Variants in SOCS5 observed in about 807,000 individuals in gnomAD.
SOCS5 encodes the protein CIS-6.
A neutral mutation model predicts 42.8 loss-of-function variants in SOCS5; 32 were observed. That is an observed-to-expected ratio of 0.75 (90% CI 0.56 to 1.01). SOCS5 has a LOEUF of 1.01. SOCS5 is among the 50% of genes least tolerant of loss of function. The pLI is 0.00. For missense variants in SOCS5, 627 were observed against 653.0 expected, an observed-to-expected ratio of 0.96 and a Z score of 0.43; for synonymous variants, 283 against 229.6, an observed-to-expected ratio of 1.23 and a Z score of -2.10.
intron 1 of SOCS5, among the ~76,000 whole-genome samples, chr2:46,703,224 A>G (rs993039250): frequency 1.9e-4 from 29 of 152,224 alleles, no homozygotes; most frequent in Non-Finnish European, 3.5e-4. Context: ...TAGTCTTGCT[A>G]TTGTTTTAGA....
chr2:46,725,745 AT>A (rs1299025391), intron 1 of SOCS5, among the ~76,000 whole-genome samples: 2 of 151,850 alleles, frequency 1.3e-5, no homozygotes, highest in Admixed American at 1.3e-4. Context: ...TAGATAATAC[AT>A]TTTTTCCCTT....
chr2:46,750,950 T>C (rs1673608195), intron 1 of SOCS5, among the ~76,000 whole-genome samples: 1 of 152,162 alleles, frequency 6.6e-6, no homozygotes, highest in Non-Finnish European at 1.5e-5. Flanking sequence ...ATATGATGTA[T>C]CCTCTGAAGT....
chr2:46,700,335 A>G (rs1387596405), intron 1 of SOCS5, among the ~76,000 whole-genome samples: 1 of 152,184 alleles, frequency 6.6e-6, no homozygotes, highest in African/African-American at 2.4e-5. Context: ...GTTTGATGGT[A>G]TTCTATCAGT....
In SOCS5 at chr2:46,736,373, G is replaced by A. The variant is rs1673246372; in HGVS notation, c.-12-22146G>A. Reference sequence around the variant, plus strand: ...TAACCATTTTTAAGTGTATAGTTCAGTGGCATTAAGCACATTCACATTCTT... The same window carrying A: ...TAACCATTTTTAAGTGTATAGTTCAATGGCATTAAGCACATTCACATTCTT... On this transcript the variant is annotated intron_variant, in intron 1 of 1. Coordinates refer to ENST00000394861, the MANE Select transcript of SOCS5 (RefSeq NM_144949.3). Among the ~76,000 whole-genome samples the A allele has an allele frequency of 2.0e-5, 3 of 152,118 alleles. No individual in the cohort carries two copies. The South Asian group carries it at 6.2e-4, about 31-fold the overall frequency.
At chr2:46,749,438 A>G (rs1345776223) in intron 1 of SOCS5, among the ~76,000 whole-genome samples, 1 of 152,212 alleles carries the variant, frequency 6.6e-6, no homozygotes, top group African/African-American at 2.4e-5. Flanking sequence ...AGGTCCTGCT[A>G]AATCTAAGGC....
rs149054650 is a variant in SOCS5, at chr2:46,733,419, G to T, written c.-12-25100G>T. ...CAGTCCCAGATTATTTTATAATAAAGAATAACTAGTTGGGTGTGGGGCCCA... is the reference window on the plus strand; with the variant it reads ...CAGTCCCAGATTATTTTATAATAAATAATAACTAGTTGGGTGTGGGGCCCA... On this transcript the variant is annotated intron_variant, in intron 1 of 1. Transcript: ENST00000394861. Among the ~76,000 whole-genome samples, 1,069 of 152,038 alleles carry T rather than the reference G, an allele frequency of 7.0e-3. 19 individuals carry two copies. The highest frequency in any genetic ancestry group is 0.025 in the African/African-American group (1,029 of 41,490).
At chr2:46,707,556 A>G (rs970217649) in intron 1 of SOCS5, among the ~76,000 whole-genome samples, 3 of 152,248 alleles carry the variant, frequency 2.0e-5, no homozygotes, top group African/African-American at 7.2e-5. Context: ...AAATTAGGAA[A>G]TCAGACTAGG....
intron 1 of SOCS5, among the ~76,000 whole-genome samples, chr2:46,720,595 T>A (rs1672856459): frequency 1.3e-5 from 2 of 152,242 alleles, no homozygotes; most frequent in South Asian, 4.1e-4. Context: ...CTGTTTTTAC[T>A]AATAACTGAT....
chr2:46,706,191 T>C (rs1442447509), intron 1 of SOCS5, among the ~76,000 whole-genome samples: 1 of 152,228 alleles, frequency 6.6e-6, no homozygotes, highest in Admixed American at 6.5e-5. Flanking sequence ...TTTCATTTAA[T>C]TCTCTTAGTT....
At chr2:46,721,345 C>G (rs900899390) in intron 1 of SOCS5, among the ~76,000 whole-genome samples, 3 of 152,074 alleles carry the variant, frequency 2.0e-5, no homozygotes, top group Middle Eastern at 3.2e-3. Context: ...TCATTTTGAT[C>G]TCTCTTTTGT....
At chr2:46,742,697 G>A (rs912893678) in intron 1 of SOCS5, among the ~76,000 whole-genome samples, 8 of 151,618 alleles carry the variant, frequency 5.3e-5, no homozygotes, top group Non-Finnish European at 1.0e-4. Flanking sequence ...ACAGAGTCTC[G>A]CTCTGTCACC....
chr2:46,717,851 AGTT>A (rs1672784250), intron 1 of SOCS5, among the ~76,000 whole-genome samples: 1 of 152,084 alleles, frequency 6.6e-6, no homozygotes, highest in South Asian at 2.1e-4. Context: ...AAGCTTAGGT[AGTT>A]GTTTGGTTCA....
chr2:46,708,788 C>A (rs1176012744), intron 1 of SOCS5, among the ~76,000 whole-genome samples: 1 of 151,832 alleles, frequency 6.6e-6, no homozygotes, highest in Non-Finnish European at 1.5e-5. Context: ...AAATGCACTT[C>A]CTTATCCCTC....
At chr2:46,700,418 G>T (rs903033260) in intron 1 of SOCS5, among the ~76,000 whole-genome samples, 1 of 152,116 alleles carries the variant, frequency 6.6e-6, no homozygotes, top group Non-Finnish European at 1.5e-5. Flanking sequence ...CATAGTGGTG[G>T]CTTACTTCTT....
intron 1 of SOCS5, among the ~76,000 whole-genome samples, chr2:46,733,199 A>G (rs11892710): frequency 6.6e-6 from 1 of 151,996 alleles, no homozygotes; most frequent in African/African-American, 2.4e-5. Flanking sequence ...GGTTCAAGTG[A>G]TGCTCCTGTC....
chr2:46,745,072 A>G (rs557887583), intron 1 of SOCS5, among the ~76,000 whole-genome samples: 2 of 152,148 alleles, frequency 1.3e-5, no homozygotes, highest in East Asian at 1.9e-4. Context: ...GCTTCAAACA[A>G]TTATGATGCA....
chr2:46,738,984 T>C (rs1300645735), intron 1 of SOCS5, among the ~76,000 whole-genome samples: 1 of 152,222 alleles, frequency 6.6e-6, no homozygotes, highest in Non-Finnish European at 1.5e-5. Flanking sequence ...GTCATATCAA[T>C]GAGCATTATA....
chr2:46,705,194 T>C (rs1373844852), intron 1 of SOCS5, among the ~76,000 whole-genome samples: 1 of 152,228 alleles, frequency 6.6e-6, no homozygotes, highest in Non-Finnish European at 1.5e-5. Flanking sequence ...TCTAGCAAAT[T>C]AATCAAACTC....
chr2:46,710,209 C>T (rs1672587508), intron 1 of SOCS5, among the ~76,000 whole-genome samples: 1 of 152,112 alleles, frequency 6.6e-6, no homozygotes, highest in Admixed American at 6.5e-5. Context: ...TGCAGTGGCG[C>T]AATCTCGGCT....
Sources: allele counts gnomAD v4.1 joint callset (sites outside exome capture counted in the v4.1 genomes callset), GRCh38; gene constraint gnomAD v4.1.1; transcripts MANE v1.5; gene names NCBI Gene and HGNC (gene_info 2026-07-23, HGNC 2026-07-21).